Variants in SCFD2 observed in about 807,000 individuals in gnomAD.
The protein encoded by SCFD2 is sec1 family domain-containing protein 2.
A neutral mutation model predicts 58.9 loss-of-function variants in SCFD2; 54 were observed. The ratio of observed to expected loss-of-function variants is 0.92; its 90% CI spans 0.74 to 1.15. The LOEUF (loss-of-function observed/expected upper bound fraction) is 1.15. Among genes scored for constraint, SCFD2 ranks in the 50% most tolerant of loss-of-function variants. SCFD2 has a pLI of 0.00. For synonymous variants in SCFD2, 321 were observed against 335.9 expected (o/e 0.96, Z 0.49); for missense variants, 805 against 836.6 (o/e 0.96, Z 0.47).
intron 6 of SCFD2, among the ~76,000 whole-genome samples, chr4:52,918,303 A>C (rs781194547): frequency 6.6e-6 from 1 of 152,202 alleles, no homozygotes; most frequent in Non-Finnish European, 1.5e-5. Flanking sequence ...TTTTGTGTCC[A>C]AATAAATCTC....
Position 53,313,755 on chromosome 4 carries a change from G to A in SCFD2, c.1016C>T (p.Thr339Ile). 6.2e-7 allele frequency: 1 copy of A among 1,613,962 alleles called. No individual in the cohort carries two copies. The highest frequency in any genetic ancestry group is 8.5e-7 in the Non-Finnish European group (1 of 1,179,876). ...PGCLSQSSDT[T>I]AKALWEALLN... is the part of the protein sequence containing the mutation. ...TAAAGCTTCCCATAGGGCTTTGGCTGTGGTGTCACTGCAGGAAAATCACAA... is the reference window on the plus strand; with the variant it reads ...TAAAGCTTCCCATAGGGCTTTGGCTATGGTGTCACTGCAGGAAAATCACAA... The change falls in exon 3 of 9, where the codon ACA becomes ATA. Residue 339 changes from threonine to isoleucine, a missense_variant. Physicochemically the swap from Thr to Ile is moderately conservative, Grantham distance 89 (BLOSUM62 -1). Transcript: ENST00000401642.
At chr4:52,978,471 T>C (rs1312371469) in intron 5 of SCFD2, among the ~76,000 whole-genome samples, 1 of 152,194 alleles carries the variant, frequency 6.6e-6, no homozygotes, top group Non-Finnish European at 1.5e-5. Flanking sequence ...AGGGTTGTTG[T>C]GACTATTACA....
chr4:53,234,915 T>C (rs910505933), intron 4 of SCFD2, among the ~76,000 whole-genome samples: 1 of 152,152 alleles, frequency 6.6e-6, no homozygotes, highest in Non-Finnish European at 1.5e-5. Context: ...TCACACAAAG[T>C]GAAAATAGGT....
intron 5 of SCFD2, among the ~76,000 whole-genome samples, chr4:53,030,095 T>C (rs962594976): frequency 2.0e-5 from 3 of 152,180 alleles, no homozygotes; most frequent in African/African-American, 4.8e-5. Context: ...AAAGGAATTA[T>C]ATCTAGAAAA....
intron 5 of SCFD2, among the ~76,000 whole-genome samples, chr4:53,108,242 T>C (rs974683708): frequency 1.3e-5 from 2 of 152,184 alleles, no homozygotes; most frequent in Admixed American, 1.3e-4. Flanking sequence ...GTGAAATTTA[T>C]AGCACTATAT....
intron 5 of SCFD2, among the ~76,000 whole-genome samples, chr4:52,974,701 T>C (rs7376976): frequency 0.38 from 56,901 of 150,276 alleles, 11,777 homozygotes; most frequent in Admixed American, 0.53. Context: ...AAAAAGAGCC[T>C]GCATTGCCAA....
chr4:53,180,389 T>G (rs1727506989), intron 4 of SCFD2, among the ~76,000 whole-genome samples: 1 of 152,106 alleles, frequency 6.6e-6, no homozygotes, highest in African/African-American at 2.4e-5. Context: ...AGCAAGCTGC[T>G]CCTGAATGAC....
At chr4:52,927,923 T>C (rs1435530388) in intron 5 of SCFD2, among the ~76,000 whole-genome samples, 1 of 152,226 alleles carries the variant, frequency 6.6e-6, no homozygotes, top group African/African-American at 2.4e-5. Flanking sequence ...ATATTTTACA[T>C]AAATCAAAAC....
chr4:53,214,380 T>A (rs1013776383), intron 4 of SCFD2, among the ~76,000 whole-genome samples: 5 of 152,164 alleles, frequency 3.3e-5, no homozygotes, highest in African/African-American at 1.2e-4. Flanking sequence ...CATTGTGATT[T>A]TGATTTGCAT....
At chr4:53,214,497 G>A (rs1310461695) in intron 4 of SCFD2, among the ~76,000 whole-genome samples, 2 of 151,736 alleles carry the variant, frequency 1.3e-5, no homozygotes, top group Admixed American at 6.6e-5. Flanking sequence ...ACTTTTTGAT[G>A]GGGTTGTTTT....
At chr4:52,959,824 G>A (rs987312223) in intron 5 of SCFD2, among the ~76,000 whole-genome samples, 3 of 151,692 alleles carry the variant, frequency 2.0e-5, no homozygotes, top group Admixed American at 1.3e-4. Flanking sequence ...CTGAGGAAAG[G>A]GTCACTGGAT....
intron 5 of SCFD2, among the ~76,000 whole-genome samples, chr4:53,084,037 T>TTAG (rs1242320401): frequency 6.6e-6 from 1 of 152,064 alleles, no homozygotes; most frequent in Non-Finnish European, 1.5e-5. Context: ...GATAAACATC[T>TTAG]TAAACAACAG....
chr4:53,173,537 T>C (rs529896075), intron 4 of SCFD2, among the ~76,000 whole-genome samples: 1 of 152,306 alleles, frequency 6.6e-6, no homozygotes, highest in Admixed American at 6.5e-5. Context: ...TTCATTCAAC[T>C]ATCCTGTTTC....
intron 4 of SCFD2, among the ~76,000 whole-genome samples, chr4:53,227,802 T>C (rs12509702): frequency 0.27 from 41,739 of 152,092 alleles, 6,324 homozygotes; most frequent in Non-Finnish European, 0.35. Flanking sequence ...AAATCAAAAA[T>C]TATGAATCTG....
At chr4:53,301,155 C>A (rs1168194408) in intron 3 of SCFD2, among the ~76,000 whole-genome samples, 2 of 152,058 alleles carry the variant, frequency 1.3e-5, no homozygotes, top group Non-Finnish European at 2.9e-5. Context: ...ATCAATAAAT[C>A]CAGGAGCTGG....
chr4:53,228,682 C>A (rs1468015321), intron 4 of SCFD2, among the ~76,000 whole-genome samples: 1 of 152,078 alleles, frequency 6.6e-6, no homozygotes, highest in Admixed American at 6.5e-5. Flanking sequence ...TGGGCAAAAA[C>A]TGGAAGCATT....
chr4:53,181,768 GC>G (rs1727567106), intron 4 of SCFD2, among the ~76,000 whole-genome samples: 1 of 152,144 alleles, frequency 6.6e-6, no homozygotes, highest in Admixed American at 6.5e-5. Context: ...CATCGTCTCA[GC>G]CCAAAATCTC....
intron 4 of SCFD2, among the ~76,000 whole-genome samples, chr4:53,176,596 C>T (rs142396771): frequency 1.3e-5 from 2 of 152,284 alleles, no homozygotes; most frequent in African/African-American, 4.8e-5. Flanking sequence ...AGAGAAAAAG[C>T]CTTCTAGACC....
At chr4:53,145,282 T>G in intron 5 of SCFD2, 51 bp downstream of exon 5, 1 of 1,593,302 alleles carries the variant, frequency 6.3e-7, no homozygotes. Flanking sequence ...TTTTGAAACC[T>G]GTTTCGTGTA....
Sources: allele counts gnomAD v4.1 joint callset (sites outside exome capture counted in the v4.1 genomes callset), GRCh38; gene constraint gnomAD v4.1.1; transcripts MANE v1.5; gene names NCBI Gene and HGNC (gene_info 2026-07-23, HGNC 2026-07-21).